Variants in MYO18A observed in about 807,000 individuals in gnomAD.
The protein encoded by MYO18A is myosin XVIIIA.
MYO18A carries 78 observed loss-of-function variants against 235.8 expected under a neutral mutation model. The ratio of observed to expected loss-of-function variants is 0.33; its 90% CI spans 0.28 to 0.40. MYO18A has a LOEUF of 0.40. MYO18A is among the 10% of genes least tolerant of loss of function. MYO18A has a pLI of 1.00. For missense variants in MYO18A, 2,215 were observed against 2,699.3 expected, an observed-to-expected ratio of 0.82 and a Z score of 3.98; for synonymous variants, 977 against 1,077.8, an observed-to-expected ratio of 0.91 and a Z score of 1.83.
intron 21 of MYO18A, among the ~76,000 whole-genome samples, chr17:29,102,475 C>G (rs753351024): frequency 5.9e-5 from 9 of 152,040 alleles, no homozygotes; most frequent in Non-Finnish European, 1.3e-4. Context: ...AGGAGGGGAA[C>G]AGAGAGAGAG....
rs762979464 is a variant in MYO18A at position 29,118,478 on chromosome 17, C to T, written c.1830-38G>A. 6.4e-7 allele frequency: 1 copy of T among 1,568,066 alleles called. No individual in the cohort carries two copies. Among genetic ancestry groups the T allele is most frequent in the East Asian group, 2.3e-5 (1 of 43,738 alleles). ...ATAAGGCATCAGCACGGCACTTGGT[C>T]CCCATGCCAAGGCCATTTCCGCCCA... is the stretch of plus-strand genomic sequence containing the variant. On this transcript the variant is annotated intron_variant, in intron 8 of 41. Coordinates refer to ENST00000527372, the MANE Select transcript of MYO18A (RefSeq NM_078471.4). This position sits in a 1 kb window ranked among gnomAD's most constrained non-coding sequence, Gnocchi z 4.2.
In MYO18A at chr17:29,074,513, G is replaced by A; in HGVS notation, c.*257C>T. ...CTGCCACTGCCCACGGTGACACAGG[G>A]TAGAAGCCAAGAGTCTGGCATTTTG... On this transcript the variant is annotated 3_prime_UTR_variant, in exon 42 of 42. Transcript: ENST00000527372. This position sits in a 1 kb window ranked among gnomAD's most constrained non-coding sequence, Gnocchi z 4.4. 1 of 587,306 alleles carries A rather than the reference G, an allele frequency of 1.7e-6. No individual in the cohort carries two copies. Among genetic ancestry groups the A allele is most frequent in the Non-Finnish European group, 3.1e-6 (1 of 322,944 alleles). The allele number at this position is 587,306 out of a possible 1,614,324, so 36.4% of individuals were successfully genotyped here. A position where few individuals can be genotyped will look rare whatever the true frequency, so the allele number is the denominator to read the frequency against.
chr17:29,175,785 C>T (rs1432529865), intron 1 of MYO18A, among the ~76,000 whole-genome samples: 1 of 152,058 alleles, frequency 6.6e-6, no homozygotes, highest in East Asian at 1.9e-4. Flanking sequence ...TCTGGCCAGG[C>T]GCAGTGGCTC....
intron 2 of MYO18A, among the ~76,000 whole-genome samples, chr17:29,156,312 T>C (rs2068065249): frequency 6.6e-6 from 1 of 152,088 alleles, no homozygotes; most frequent in Non-Finnish European, 1.5e-5. Flanking sequence ...CCCCATGTAA[T>C]CCTGAATCTT....
intron 2 of MYO18A, among the ~76,000 whole-genome samples, chr17:29,151,665 A>C (rs2067966186): frequency 6.6e-6 from 1 of 152,142 alleles, no homozygotes; most frequent in South Asian, 2.1e-4. Flanking sequence ...GCACAATCAC[A>C]CAATGGTTCC....
At chr17:29,113,825 T>C (rs1015713838) in intron 15 of MYO18A, among the ~76,000 whole-genome samples, 186 bp downstream of exon 15, 1 of 152,162 alleles carries the variant, frequency 6.6e-6, no homozygotes, top group African/African-American at 2.4e-5. Flanking sequence ...TGGCCAAGAC[T>C]GCCTGAGTGC....
chr17:29,084,203 C>T (rs76033582), intron 40 of MYO18A, among the ~76,000 whole-genome samples: 5 of 152,152 alleles, frequency 3.3e-5, no homozygotes, highest in East Asian at 1.9e-4. Flanking sequence ...TGTGTGCATG[C>T]GTGGTGTACC....
At chr17:29,148,558 T>C (rs185027329) in intron 2 of MYO18A, among the ~76,000 whole-genome samples, 1 of 151,278 alleles carries the variant, frequency 6.6e-6, no homozygotes, top group East Asian at 2.0e-4. Flanking sequence ...TTCCCTTTCT[T>C]GGGAGGAATT....
At chr17:29,093,531 G>C in intron 31 of MYO18A, 104 bp from the exon 32 acceptor site, 1 of 826,380 alleles carries the variant, frequency 1.2e-6, no homozygotes, top group Admixed American at 2.1e-5. Context: ...AGTGGGGCAG[G>C]CCTGAGCACA....
chr17:29,108,626 C>T (rs1295948347), intron 19 of MYO18A, among the ~76,000 whole-genome samples: 1 of 152,198 alleles, frequency 6.6e-6, no homozygotes, highest in Non-Finnish European at 1.5e-5. Context: ...GACGGGCTAG[C>T]TGGCTCTGGG....
chr17:29,138,025 G>A (rs1304440593), intron 2 of MYO18A, among the ~76,000 whole-genome samples: 1 of 152,194 alleles, frequency 6.6e-6, no homozygotes, highest in Non-Finnish European at 1.5e-5. Flanking sequence ...AGCCCCAGGA[G>A]GCTTCTGACA....
At chr17:29,113,303 G>A (rs982988554) in intron 15 of MYO18A, among the ~76,000 whole-genome samples, 19 of 152,186 alleles carry the variant, frequency 1.2e-4, no homozygotes, top group Admixed American at 9.2e-4. Flanking sequence ...CAGGGAGGTC[G>A]GCAGCCTCGC....
chr17:29,118,240 G>A lies in MYO18A; in HGVS notation c.1894-51C>T, dbSNP rs561231417. On this transcript the variant is annotated intron_variant, in intron 9 of 41. Coordinates refer to ENST00000527372, the MANE Select transcript of MYO18A (RefSeq NM_078471.4). This position sits in a 1 kb window ranked among gnomAD's most constrained non-coding sequence, Gnocchi z 4.2. ...GCTGTCCCTCCCAGCACACCCCCAT[G>A]AGGCTGGGCCCTCAGGGCAAGGCTT... 1.2e-4 allele frequency: 196 copies of A among 1,575,706 alleles called. 1 individual carries two copies. In the East Asian group the frequency reaches 4.0e-3, roughly 32 times the overall value.
rs1488951954 is a variant in MYO18A at position 29,073,059 on chromosome 17, G to A, written c.*1711C>T. The stretch of plus-strand genomic sequence containing the variant: ...TTTTAAAAAATGTTCTAATGAGAAG[G>A]GCTTGAATCCAAAAAGAAAGAGAAT... On this transcript the variant is annotated 3_prime_UTR_variant, in exon 42 of 42. Coordinates refer to ENST00000527372, the MANE Select transcript of MYO18A (RefSeq NM_078471.4). 1 of 151,592 alleles carries A rather than the reference G, an allele frequency of 6.6e-6. No homozygotes were observed. The highest frequency in any genetic ancestry group is 1.5e-5 in the Non-Finnish European group (1 of 68,008). The allele number at this position is 151,592 out of a possible 1,614,324, so 9.4% of individuals were successfully genotyped here.
Position 29,097,246 on chromosome 17 carries a change from T to G in MYO18A, c.4207A>C (p.Asn1403His). 1.9e-6 allele frequency: 3 copies of G among 1,610,826 alleles called. No individual in the cohort carries two copies. The highest frequency in any genetic ancestry group is 2.5e-6 in the Non-Finnish European group (3 of 1,179,830). Residue 1403 changes from asparagine (N) to histidine (H), a missense_variant, in exon 27 of 42, where the codon AAC becomes CAC. By Grantham distance (68) the Asn-to-His change is moderately conservative. Transcript: ENST00000527372. ...FEDKLEVEQQ[N>H]KRQLERRLGD... ...ACCCGCCGTTCCAGCTGCCTCTTGT[T>G]CTGCTGCTCCACCTCCAGCTTGTCC...
At chr17:29,090,649 C>G in intron 35 of MYO18A, 34 bp from the exon 36 acceptor site, 1 of 1,583,374 alleles carries the variant, frequency 6.3e-7, no homozygotes, top group Non-Finnish European at 8.6e-7. Flanking sequence ...GAAGCAGGAT[C>G]CCCCATAAGC....
Position 29,111,980 on chromosome 17 carries a change from C to A in MYO18A, c.2599-117G>T, listed in dbSNP as rs951092704. ...CTACACATGTGCACACATGCACACA[C>A]GCACATGCCGCAGCTCCTGCCGCTC... is the stretch of plus-strand genomic sequence containing the variant. On this transcript the variant is annotated intron_variant, in intron 15 of 41. Transcript: ENST00000527372. This position sits in a 1 kb window ranked among gnomAD's most constrained non-coding sequence, Gnocchi z 5.1. 8 of 1,262,992 alleles carry A rather than the reference C, an allele frequency of 6.3e-6. No individual in the cohort carries two copies. Among genetic ancestry groups the A allele is most frequent in the Middle Eastern group, 5.2e-4 (2 of 3,852 alleles). The allele number at this position is 1,262,992 out of a possible 1,614,324, so 78.2% of individuals were successfully genotyped here.
chr17:29,103,530 G>T, intron 21 of MYO18A, 69 bp downstream of exon 21: 1 of 1,457,150 alleles, frequency 6.9e-7, no homozygotes, highest in Non-Finnish European at 9.6e-7. Context: ...GAGAACAGGA[G>T]GAGTGGGCCA....
intron 7 of MYO18A, 55 bp from the exon 8 acceptor site, chr17:29,119,490 C>T (rs1358335179): frequency 5.1e-6 from 7 of 1,359,382 alleles, no homozygotes; most frequent in Non-Finnish European, 7.2e-6. Flanking sequence ...TCAAGTTTCT[C>T]CCACCCCACA....
Sources: gnomAD v4.1 joint callset for allele counts (sites outside exome capture counted in the v4.1 genomes callset) on GRCh38, gnomAD v4.1.1 for gene constraint, Gnocchi (gnomAD v3.1) non-coding constraint, MANE v1.5 for transcripts, NCBI Gene and HGNC (gene_info 2026-07-23, HGNC 2026-07-21) for gene names.